FAM149A: variants seen among roughly 807,000 people sequenced by gnomAD.
FAM149A encodes the protein protein FAM149A.
Under a neutral mutation model 78.2 loss-of-function variants are expected in FAM149A, and 71 were observed. The ratio of observed to expected loss-of-function variants is 0.91; its 90% confidence interval spans 0.75 to 1.11. The LOEUF is 1.11. FAM149A is among the 50% of genes least tolerant of loss of function. The pLI is 0.00. For missense variants in FAM149A, 1,036 were observed against 971.0 expected (o/e 1.07, Z -0.89); for synonymous variants, 446 against 410.5 (o/e 1.09, Z -1.04).
intron 1 of FAM149A, chr4:186,124,126 G>C: frequency 1.0e-6 from 1 of 984,996 alleles, no homozygotes; most frequent in Non-Finnish European, 1.2e-6. Context: ...ATGGACTTAC[G>C]ATAAGATACC....
chr4:186,133,806 G>A (rs1168675491), intron 1 of FAM149A, among the ~76,000 whole-genome samples: 1 of 152,058 alleles, frequency 6.6e-6, no homozygotes, highest in African/African-American at 2.4e-5. Context: ...ACAGGCATGT[G>A]CCACCACACC....
At chr4:186,142,024 G>A (rs1168869218) in intron 1 of FAM149A, among the ~76,000 whole-genome samples, 1 of 152,162 alleles carries the variant, frequency 6.6e-6, no homozygotes, top group Non-Finnish European at 1.5e-5. Context: ...CTGGAGGAAA[G>A]CAGGCTGAGA....
intron 1 of FAM149A, among the ~76,000 whole-genome samples, chr4:186,129,693 G>A (rs187137903): frequency 6.6e-6 from 1 of 152,198 alleles, no homozygotes; most frequent in East Asian, 1.9e-4. Flanking sequence ...AGAGCCCCCA[G>A]CACAGTCTGC....
Position 186,111,890 on chromosome 4 carries a change from C to G in FAM149A, c.566+6248C>G, listed in dbSNP as rs1283029282. Among the ~76,000 whole-genome samples, 46 of 151,854 alleles carry G rather than the reference C, an allele frequency of 3.0e-4. No homozygotes were observed. In the South Asian group the frequency reaches 3.3e-3, roughly 11 times the overall value. The stretch of plus-strand genomic sequence containing the variant: ...CCTTGGCGATGTGGGCTCTTTTTTG[C>G]TTCCATATGAACTTTAAAGTAGTTT... On this transcript the variant is annotated intron_variant, in intron 1 of 13. Transcript: ENST00000389354.
At chr4:186,152,093 C>A in intron 4 of FAM149A, 48 bp downstream of exon 4, 1 of 1,582,078 alleles carries the variant, frequency 6.3e-7, no homozygotes, top group Non-Finnish European at 8.7e-7. Context: ...TTCCAAGCAC[C>A]CACCCCTGAC....
In FAM149A at chr4:186,125,880, C is replaced by T. The variant is rs533244628; in HGVS notation, c.566+20238C>T. 221 of 985,358 alleles carry T rather than the reference C, an allele frequency of 2.2e-4. 1 individual carries two copies. In the African/African-American group the frequency reaches 3.6e-3, roughly 16 times the overall value. 61.0% of individuals were successfully genotyped at this position (985,358 alleles called of 1,614,324 possible). ...GAAGCAACGTAGAGGAGTGGAATCA[C>T]ACGAACGAGTGTGGCACCCTCTCTG... On this transcript the variant is annotated intron_variant, in intron 1 of 13. Coordinates refer to ENST00000389354, the MANE Select transcript of FAM149A (RefSeq NM_001367768.3).
At chr4:186,123,128 TG>T in intron 1 of FAM149A, 1 of 687,062 alleles carries the variant, frequency 1.5e-6, no homozygotes, top group Non-Finnish European at 1.8e-6. Context: ...ATTCAAACAC[TG>T]GTCATTCTGA....
At chr4:186,132,358 C>A in intron 1 of FAM149A, 1 of 430,744 alleles carries the variant, frequency 2.3e-6, no homozygotes, top group Non-Finnish European at 3.1e-6. Context: ...GCCATGGGAG[C>A]CCAGTAGAAA....
At chr4:186,136,992 C>CTCTT (rs1561396501) in intron 1 of FAM149A, among the ~76,000 whole-genome samples, 14 of 126,684 alleles carry the variant, frequency 1.1e-4, no homozygotes, top group East Asian at 5.5e-4. Flanking sequence ...CTCTCTCTCT[C>CTCTT]TCTCTCTCTC....
intron 13 of FAM149A, among the ~76,000 whole-genome samples, chr4:186,168,590 A>G (rs1394399894): frequency 6.6e-6 from 1 of 152,186 alleles, no homozygotes; most frequent in African/African-American, 2.4e-5. Context: ...TCCTGACCTC[A>G]GGTAATCCAC....
At chr4:186,130,293 C>CTCTCTCTCTCTCTCTCTCTCTCTCTA in intron 1 of FAM149A, 145 of 46,552 alleles carry the variant, frequency 3.1e-3, no homozygotes, top group South Asian at 5.4e-3. Flanking sequence ...CTCTCTCTCT[C>CTCTCTCTCTCTCTCTCTCTCTCTCTA]TATATATATA....
chr4:186,161,561 T>A (rs920500023), intron 8 of FAM149A, among the ~76,000 whole-genome samples: 2 of 152,190 alleles, frequency 1.3e-5, no homozygotes, highest in Non-Finnish European at 2.9e-5. Context: ...ATAGGCAGTA[T>A]GAATATCACA....
chr4:186,127,600 T>A (rs2099318875), intron 1 of FAM149A: 1 of 985,340 alleles, frequency 1.0e-6, no homozygotes, highest in South Asian at 4.7e-5. Flanking sequence ...TTTGTTAATG[T>A]GATCACTGCA....
chr4:186,163,861 C>G (rs1734805947), intron 10 of FAM149A, among the ~76,000 whole-genome samples: 1 of 152,218 alleles, frequency 6.6e-6, no homozygotes, highest in African/African-American at 2.4e-5. Flanking sequence ...CGGAATGAGC[C>G]TCTGATGCTG....
At chr4:186,140,575 C>A (rs1162265397) in intron 1 of FAM149A, among the ~76,000 whole-genome samples, 1 of 150,008 alleles carries the variant, frequency 6.7e-6, no homozygotes, top group Admixed American at 6.8e-5. Context: ...CCAGCCTATA[C>A]CATTTTATTT....
Position 186,153,737 on chromosome 4 carries a change from T to C in FAM149A, c.1025T>C (p.Leu342Pro), listed in dbSNP as rs1733799838. 10 of 1,613,362 alleles carry C rather than the reference T, an allele frequency of 6.2e-6. No homozygotes were observed. Among genetic ancestry groups the C allele is most frequent in the Non-Finnish European group, 7.6e-6 (9 of 1,179,534 alleles). ...GCCTCCGCAGTCCACAGACCCCCGCTCAGTGCCTGCGGACACAGCAGCAAC... is the reference window on the plus strand; with the variant it reads ...GCCTCCGCAGTCCACAGACCCCCGCCCAGTGCCTGCGGACACAGCAGCAAC... The change falls in exon 5 of 14, where the codon CTC becomes CCC. Residue 342 changes from leucine to proline, a missense_variant. By Grantham distance (98) the Leu-to-Pro change is moderately conservative. Around this residue, in one of 3 missense-constraint regions of FAM149A, gnomAD observed 716 missense variants for 711.8 expected, o/e 1.01. Transcript: ENST00000389354.
At chr4:186,117,322 A>G (rs2099314165) in intron 1 of FAM149A, 1 of 489,444 alleles carries the variant, frequency 2.0e-6, no homozygotes, top group Admixed American at 6.4e-5. Flanking sequence ...TCCATCTAAG[A>G]TCCACATGGA....
intron 1 of FAM149A, chr4:186,109,003 A>G (rs2203860): frequency 0.15 from 24,002 of 155,590 alleles, 2,311 homozygotes; most frequent in African/African-American, 0.28. Flanking sequence ...GCCTGCCACC[A>G]CGCCCGGCTA....
At chr4:186,150,270 C>G (rs576014232) in intron 3 of FAM149A, among the ~76,000 whole-genome samples, 1 of 151,984 alleles carries the variant, frequency 6.6e-6, no homozygotes, top group Non-Finnish European at 1.5e-5. Context: ...CAAGGGTCTC[C>G]GTGGATCCCA....
Sources: allele counts gnomAD v4.1 joint callset (sites outside exome capture counted in the v4.1 genomes callset), GRCh38; gene constraint gnomAD v4.1.1; regional missense constraint gnomAD v4.1.1; transcripts MANE v1.5; gene names NCBI Gene and HGNC (gene_info 2026-07-23, HGNC 2026-07-21).